Variants in CLINT1 observed in about 807,000 individuals in gnomAD.
The protein encoded by CLINT1 is clathrin interactor 1, also known as clathrin interacting protein localized in the trans-Golgi region.
In CLINT1, 15 loss-of-function variants were observed where a neutral mutation model predicts 70.4. The ratio of observed to expected loss-of-function variants is 0.21; its 90% CI spans 0.14 to 0.33. The LOEUF (loss-of-function observed/expected upper bound fraction) is 0.33. Among genes scored for constraint, CLINT1 ranks in the 10% least tolerant of loss-of-function variants. The probability of loss-of-function intolerance (pLI) is 1.00; values close to 1 mark genes in which losing one functional copy is unlikely to be tolerated. For missense variants in CLINT1, 615 were observed against 778.1 expected (o/e 0.79, Z 2.49); for synonymous variants, 227 against 254.7 (o/e 0.89, Z 1.04).
intron 1 of CLINT1, among the ~76,000 whole-genome samples, chr5:157,826,583 G>A (rs1041940684): frequency 2.6e-5 from 4 of 151,618 alleles, no homozygotes; most frequent in African/African-American, 9.7e-5. Context: ...AAGCTAAGCT[G>A]TGAGGTGGAT....
chr5:157,801,936 T>C (rs254669), intron 8 of CLINT1, among the ~76,000 whole-genome samples: 84,256 of 151,470 alleles, frequency 0.56, 23,873 homozygotes, highest in East Asian at 0.79. Flanking sequence ...GCTCTGTCAC[T>C]CCAGCTGGAG....
At chr5:157,848,334 C>T (rs1012181580) in intron 1 of CLINT1, among the ~76,000 whole-genome samples, 1 of 150,148 alleles carries the variant, frequency 6.7e-6, no homozygotes, top group African/African-American at 2.5e-5. Context: ...TAGGCTCAAG[C>T]AATCCACCCG....
intron 1 of CLINT1, among the ~76,000 whole-genome samples, chr5:157,824,074 C>T (rs6556266): frequency 0.13 from 19,905 of 152,166 alleles, 1,537 homozygotes; most frequent in Non-Finnish European, 0.19. Context: ...AGGTTAGAGA[C>T]CACTGCTGCA....
chr5:157,824,129 T>C (rs549579850), intron 1 of CLINT1, among the ~76,000 whole-genome samples: 15 of 152,302 alleles, frequency 9.8e-5, no homozygotes, highest in African/African-American at 3.4e-4. Context: ...CCAGAAACAT[T>C]TGGTCTTTCT....
intron 1 of CLINT1, among the ~76,000 whole-genome samples, chr5:157,850,748 T>C (rs1363655194): frequency 3.3e-5 from 5 of 151,574 alleles, no homozygotes; most frequent in African/African-American, 9.7e-5. Flanking sequence ...GAAAAATTAA[T>C]AGAAAAAGGC....
Position 157,791,965 on chromosome 5 carries a change from C to A in CLINT1, c.1118G>T (p.Gly373Val). 1.9e-6 allele frequency: 3 copies of A among 1,613,730 alleles called. No homozygotes were observed. Among genetic ancestry groups the A allele is most frequent in the Non-Finnish European group, 1.7e-6 (2 of 1,179,788 alleles). Residue 373 changes from glycine to valine, a missense_variant, in exon 10 of 12, where the codon GGT becomes GTT. By Grantham distance (109) the Gly-to-Val change is moderately radical. Coordinates refer to ENST00000411809, the MANE Select transcript of CLINT1 (RefSeq NM_014666.4). The part of the protein sequence containing the change: ...VTATSGNGDF[G>V]DWSAFNQAPS... ...GGCTTGGTTGAAGGCACTCCAGTCA[C>A]CAAAGTCTCCATTCCCACTTGTTGC...
At position 157,787,855 on chromosome 5, in the gene CLINT1, T is replaced by G; in HGVS notation, c.1669A>C (p.Met557Leu). Residue 557 changes from methionine (M) to leucine (L), a missense_variant, in exon 12 of 12, where the codon ATG becomes CTG. Coordinates refer to ENST00000411809, the MANE Select transcript of CLINT1 (RefSeq NM_014666.4). ...GGGGCCATTCCCATGGTGCCAGTCATCACATTGGGCATGCTCATAGGCATG... is the reference window on the plus strand; with the variant it reads ...GGGGCCATTCCCATGGTGCCAGTCAGCACATTGGGCATGCTCATAGGCATG... ...GPMPMSMPNV[M>L]TGTMGMAPLG... 1 of 1,613,898 alleles carries G rather than the reference T, an allele frequency of 6.2e-7. No homozygotes were observed. Among genetic ancestry groups the G allele is most frequent in the Non-Finnish European group, 8.5e-7 (1 of 1,179,860 alleles).
At chr5:157,796,711 T>C (rs558496163) in intron 8 of CLINT1, among the ~76,000 whole-genome samples, 1 of 152,282 alleles carries the variant, frequency 6.6e-6, no homozygotes, top group South Asian at 2.1e-4. Flanking sequence ...CTGGGTTAAT[T>C]AAACTAGAAC....
At chr5:157,819,841 T>C (rs77541190) in intron 1 of CLINT1, among the ~76,000 whole-genome samples, 1,848 of 152,338 alleles carry the variant, frequency 0.012, 48 homozygotes, top group African/African-American at 0.043. Context: ...AGAGCCTTCA[T>C]AAATGCTGTA....
intron 1 of CLINT1, among the ~76,000 whole-genome samples, chr5:157,853,029 T>C (rs1753626187): frequency 2.0e-5 from 3 of 152,254 alleles, no homozygotes; most frequent in South Asian, 4.1e-4. Context: ...AAAACAAACA[T>C]TGGAAACAAG....
chr5:157,833,334 G>C (rs1471498222), intron 1 of CLINT1, among the ~76,000 whole-genome samples: 1 of 150,312 alleles, frequency 6.7e-6, no homozygotes, highest in Non-Finnish European at 1.5e-5. Flanking sequence ...CTGGGTGACA[G>C]AGAGAAACTC....
At position 157,844,815 on chromosome 5, in the gene CLINT1, A is replaced by G. The variant is rs150532705; in HGVS notation, c.41+14115T>C. On this transcript the variant is annotated intron_variant, in intron 1 of 11. Transcript: ENST00000411809. ...CAGAGGACCACTGATTCTGAAGCAC[A>G]TAATACAGCTCAACAAATGTAAAAA... 5.2e-4 allele frequency among the ~76,000 whole-genome samples: 79 copies of G among 152,378 alleles called. 3 individuals carry two copies. The East Asian group carries it at 0.013, about 26-fold the overall frequency.
At chr5:157,805,718 T>C in intron 7 of CLINT1, 148 bp downstream of exon 7, 1 of 986,924 alleles carries the variant, frequency 1.0e-6, no homozygotes, top group Non-Finnish European at 1.5e-6. Context: ...AGAGATTTCT[T>C]ATTATTAATG....
At chr5:157,789,646 G>C in intron 10 of CLINT1, 133 bp from the exon 11 acceptor site, 1 of 1,156,936 alleles carries the variant, frequency 8.6e-7, no homozygotes, top group Non-Finnish European at 1.2e-6. Context: ...TCACAACAAT[G>C]AACTTCTGAA....
At chr5:157,835,755 G>A (rs144495048) in intron 1 of CLINT1, among the ~76,000 whole-genome samples, 272 of 152,230 alleles carry the variant, frequency 1.8e-3, no homozygotes, top group African/African-American at 6.0e-3. Context: ...TTGGGGGCAT[G>A]ACTAGAAAGA....
intron 8 of CLINT1, among the ~76,000 whole-genome samples, chr5:157,799,567 C>T (rs1405790492): frequency 6.6e-6 from 1 of 151,850 alleles, no homozygotes; most frequent in Non-Finnish European, 1.5e-5. Context: ...TTAATCAAGA[C>T]CTAAATTTCT....
rs1443743398 is a variant in CLINT1, at chr5:157,787,248, CA to C, written c.*397del. ...GTAAAAGGAACAGACCCAATTATGA[CA>C]AGGCGATCCAGGGACAGAAAAATCA... On this transcript the variant is annotated 3_prime_UTR_variant, in exon 12 of 12. Transcript: ENST00000411809. 3 of 171,816 alleles carry C rather than the reference CA, an allele frequency of 1.7e-5. No individual in the cohort carries two copies. Among genetic ancestry groups the C allele is most frequent in the Non-Finnish European group, 3.8e-5 (3 of 79,924 alleles). The allele number at this position is 171,816 out of a possible 1,614,324, so 10.6% of individuals were successfully genotyped here. A position where few individuals can be genotyped will look rare whatever the true frequency, so the allele number is the denominator to read the frequency against.
intron 3 of CLINT1, among the ~76,000 whole-genome samples, chr5:157,815,951 G>C (rs114273405): frequency 6.6e-6 from 1 of 152,046 alleles, no homozygotes; most frequent in African/African-American, 2.4e-5. Flanking sequence ...GTCCTTATGT[G>C]GTATATACGA....
chr5:157,802,545 T>C (rs1172815111), intron 8 of CLINT1, among the ~76,000 whole-genome samples: 6 of 144,524 alleles, frequency 4.2e-5, no homozygotes, highest in South Asian at 4.2e-4. Context: ...GCCCTCTCTT[T>C]TTTTTTTTTT....
Sources: gnomAD v4.1 joint callset for allele counts (sites outside exome capture counted in the v4.1 genomes callset) on GRCh38, gnomAD v4.1.1 for gene constraint, MANE v1.5 for transcripts, NCBI Gene and HGNC (gene_info 2026-07-23, HGNC 2026-07-21) for gene names.